Variants in CHIC2 observed in about 807,000 individuals in gnomAD.
CHIC2 encodes the protein cysteine rich hydrophobic domain 2, also known as cysteine-rich hydrophobic domain-containing protein 2.
In CHIC2, 14 loss-of-function variants were observed where a neutral mutation model predicts 25.9. The observed-to-expected ratio is 0.54, with a 90% CI of 0.36 to 0.85. The LOEUF is 0.85. CHIC2 is among the 40% of genes least tolerant of loss of function. The pLI, the probability that CHIC2 is intolerant of heterozygous loss-of-function variation, is 0.01. For missense variants in CHIC2, 146 were observed against 202.0 expected, an observed-to-expected ratio of 0.72 and a Z score of 1.68; for synonymous variants, 70 against 72.0, an observed-to-expected ratio of 0.97 and a Z score of 0.14.
chr4:54,022,561 T>C (rs1297023600), intron 3 of CHIC2, among the ~76,000 whole-genome samples: 1 of 152,138 alleles, frequency 6.6e-6, no homozygotes, highest in African/African-American at 2.4e-5. Context: ...AGCTCCCTTA[T>C]TAGATCAAGA....
At chr4:54,072,195 C>T in the CHIC2 span, among the ~76,000 whole-genome samples, 2 of 151,488 alleles carry the variant, frequency 1.3e-5, no homozygotes, top group East Asian at 3.9e-4. Flanking sequence ...CCCAGCTATT[C>T]GGGAGGCTGA....
chr4:54,049,353 A>G, intron 1 of CHIC2, 48 bp from the exon 2 acceptor site: 3 of 1,223,942 alleles, frequency 2.5e-6, no homozygotes, highest in Non-Finnish European at 3.5e-6. Context: ...TATTGTTGCC[A>G]AAAATGTAGA....
In CHIC2 at chr4:54,013,820, A is replaced by G. The variant is rs1257871041; in HGVS notation, c.447+17T>C. 1.7e-5 allele frequency: 27 copies of G among 1,610,890 alleles called. No homozygotes were observed. The highest frequency in any genetic ancestry group is 2.2e-5 in the Non-Finnish European group (26 of 1,177,794). On this transcript the variant is annotated intron_variant, in intron 5 of 5. Transcript: ENST00000263921. ...ATCATTTAATAGAGAAACTCACAAA[A>G]CAGCCCTTTAACTTACATATTCCAT...
intron 3 of CHIC2, among the ~76,000 whole-genome samples, chr4:54,026,966 C>T (rs191406621): frequency 9.3e-4 from 141 of 152,186 alleles, no homozygotes; most frequent in Admixed American, 7.5e-3. Flanking sequence ...TATCCTGAGA[C>T]AAATAACATA....
Position 54,009,900 on chromosome 4 carries a change from G to T in CHIC2, c.*195C>A, listed in dbSNP as rs1715524400. The T allele has an allele frequency of 2.4e-6, 1 of 422,160 alleles. No individual in the cohort carries two copies. Among genetic ancestry groups the T allele is most frequent in the Admixed American group, 4.2e-5 (1 of 23,882 alleles). The allele number at this position is 422,160 out of a possible 1,614,324, so 26.2% of individuals were successfully genotyped here. On this transcript the variant is annotated 3_prime_UTR_variant, in exon 6 of 6. Coordinates refer to ENST00000263921, the MANE Select transcript of CHIC2 (RefSeq NM_012110.4). ...TAACTTAAGTATTAAACATCTGTAT[G>T]AAATAACTGTTGCAAAGATTGACAA... is the stretch of plus-strand genomic sequence containing the variant.
intron 3 of CHIC2, among the ~76,000 whole-genome samples, chr4:54,017,433 C>A (rs748495665): frequency 1.3e-5 from 2 of 152,100 alleles, no homozygotes; most frequent in South Asian, 4.1e-4. Context: ...GTGAAAAGCA[C>A]CAGATTGATA....
the CHIC2 span, among the ~76,000 whole-genome samples, chr4:54,085,631 T>C: frequency 0.028 from 4,290 of 152,240 alleles, 195 homozygotes; most frequent in African/African-American, 0.098. Context: ...CCTGTGTAAA[T>C]TATAAAAACA....
At position 54,064,458 on chromosome 4, in the gene CHIC2, G is replaced by A. The variant is rs1717446387; in HGVS notation, c.-158C>T. ...GGCTGTCTCGGCTCCGGCTACAGAG[G>A]GGATGGGGTCTGGACCGTCGCCGCC... is the stretch of plus-strand genomic sequence containing the variant. On this transcript the variant is annotated 5_prime_UTR_variant, in exon 1 of 6. Coordinates refer to ENST00000263921, the MANE Select transcript of CHIC2 (RefSeq NM_012110.4). This position sits in a 1 kb window ranked among gnomAD's most constrained non-coding sequence, Gnocchi z 4.2. 6.7e-7 allele frequency: 1 copy of A among 1,491,552 alleles called. No individual in the cohort carries two copies. The highest frequency in any genetic ancestry group is 8.9e-7 in the Non-Finnish European group (1 of 1,127,500). The allele number at this position is 1,491,552 out of a possible 1,614,324, so 92.4% of individuals were successfully genotyped here.
the CHIC2 span, among the ~76,000 whole-genome samples, chr4:54,073,560 G>A: frequency 1.3e-5 from 2 of 152,188 alleles, no homozygotes; most frequent in South Asian, 4.1e-4. Context: ...CCACTCATGG[G>A]AGTGAGCCAC....
intron 3 of CHIC2, among the ~76,000 whole-genome samples, chr4:54,046,688 T>C: frequency 6.6e-6 from 1 of 152,244 alleles, no homozygotes; most frequent in Non-Finnish European, 1.5e-5. Flanking sequence ...CCTAAAACCA[T>C]AAAAACCCTA....
chr4:54,010,970 G>GT (rs1286777825), intron 5 of CHIC2, among the ~76,000 whole-genome samples: 21 of 152,092 alleles, frequency 1.4e-4, no homozygotes, highest in African/African-American at 5.1e-4. Flanking sequence ...ACAAAATATG[G>GT]TAACACAGAA....
chr4:54,072,967 C>G, the CHIC2 span, among the ~76,000 whole-genome samples: 2 of 152,162 alleles, frequency 1.3e-5, no homozygotes, highest in Non-Finnish European at 2.9e-5. Flanking sequence ...ACTTGGGAAG[C>G]TGAGACAGGA....
At chr4:54,076,147 G>A in the CHIC2 span, among the ~76,000 whole-genome samples, 1 of 152,002 alleles carries the variant, frequency 6.6e-6, no homozygotes, top group South Asian at 2.1e-4. Flanking sequence ...AAATTAGGTA[G>A]GCGTGGTAAG....
rs369487327 is a variant in CHIC2 at position 54,014,132 on chromosome 4, T to C, written c.331-13A>G. 3.0e-5 allele frequency: 49 copies of C among 1,612,336 alleles called. No individual in the cohort carries two copies. The highest frequency in any genetic ancestry group is 3.9e-5 in the Non-Finnish European group (46 of 1,179,160). ...TCGATCTTCGTGTCTGGAAGACAAATGAGAAAAAAGTTTACTCTTGACTGG... is the reference window on the plus strand; with the variant it reads ...TCGATCTTCGTGTCTGGAAGACAAACGAGAAAAAAGTTTACTCTTGACTGG... On this transcript the variant is annotated splice_polypyrimidine_tract_variant and intron_variant, in intron 3 of 5. Coordinates refer to ENST00000263921, the MANE Select transcript of CHIC2 (RefSeq NM_012110.4).
chr4:54,010,257 A>T (rs2110055874), intron 5 of CHIC2, 112 bp from the exon 6 acceptor site: 1 of 680,450 alleles, frequency 1.5e-6, no homozygotes, highest in South Asian at 1.8e-5. Flanking sequence ...TTTAAAACGC[A>T]ACTTTGCATT....
the CHIC2 span, chr4:54,087,483 A>G: frequency 1.2e-6 from 1 of 867,600 alleles, no homozygotes. Context: ...AGAATAAAAG[A>G]ATATTTCGAC....
chr4:54,051,562 GA>G (rs980265180), intron 1 of CHIC2, among the ~76,000 whole-genome samples: 1 of 151,878 alleles, frequency 6.6e-6, no homozygotes, highest in South Asian at 2.1e-4. Context: ...AACTCTGAGA[GA>G]AAAAAATGTC....
intron 3 of CHIC2, among the ~76,000 whole-genome samples, chr4:54,043,753 C>A (rs935600239): frequency 6.6e-6 from 1 of 152,124 alleles, no homozygotes; most frequent in Non-Finnish European, 1.5e-5. Flanking sequence ...AACTAACGAG[C>A]AAAATAACCA....
rs1041116361 is a variant in CHIC2 at position 54,062,825 on chromosome 4, G to A, written c.119+1357C>T. On this transcript the variant is annotated intron_variant, in intron 1 of 5. Transcript: ENST00000263921. ...AAGTCAAAATAAAATCAAATGGCAG[G>A]TTATGAATTCTGTGATATATGTTAA... Among the ~76,000 whole-genome samples, 3 of 152,140 alleles carry A rather than the reference G, an allele frequency of 2.0e-5. No homozygotes were observed. The South Asian group carries it at 6.2e-4, about 31-fold the overall frequency.
Sources: gnomAD v4.1 joint callset for allele counts (sites outside exome capture counted in the v4.1 genomes callset) on GRCh38, gnomAD v4.1.1 for gene constraint, Gnocchi (gnomAD v3.1) non-coding constraint, MANE v1.5 for transcripts, NCBI Gene and HGNC (gene_info 2026-07-23, HGNC 2026-07-21) for gene names.